RALGPS1: variants seen among roughly 807,000 people sequenced by gnomAD.
The protein encoded by RALGPS1 is Ral GEF with PH domain and SH3 binding motif 1, also known as ras-specific guanine nucleotide-releasing factor RalGPS1.
A neutral mutation model predicts 78.8 loss-of-function variants in RALGPS1; 19 were observed. The observed-to-expected ratio is 0.24, with a 90% confidence interval of 0.17 to 0.35. RALGPS1 has a LOEUF of 0.35. Among genes scored for constraint, RALGPS1 ranks in the 10% least tolerant of loss-of-function variants. The pLI, the probability that RALGPS1 is intolerant of heterozygous loss-of-function variation, is 1.00. For missense variants in RALGPS1, 454 were observed against 688.3 expected (o/e 0.66, Z 3.81); for synonymous variants, 228 against 256.3 (o/e 0.89, Z 1.06).
chr9:127,003,198 C>G (rs1246484829), intron 4 of RALGPS1, among the ~76,000 whole-genome samples: 1 of 152,112 alleles, frequency 6.6e-6, no homozygotes, highest in African/African-American at 2.4e-5. Context: ...CCAAAATTGA[C>G]AAATGGGATC....
In RALGPS1 at chr9:127,211,639, C is replaced by T. The variant is rs1248456200; in HGVS notation, c.1248-492C>T. ...CAAGGGAGAGGGTGAGTGAAGAGCC[C>T]GGGAAAGATGTGGGGAATGGTGCGT... is the stretch of plus-strand genomic sequence containing the variant. On this transcript the variant is annotated intron_variant, in intron 14 of 18. Coordinates refer to ENST00000259351, the MANE Select transcript of RALGPS1 (RefSeq NM_014636.3). This position sits in a 1 kb window ranked among gnomAD's most constrained non-coding sequence, Gnocchi z 5.0. 2.6e-5 allele frequency among the ~76,000 whole-genome samples: 4 copies of T among 152,008 alleles called. No individual in the cohort carries two copies. Among genetic ancestry groups the T allele is most frequent in the Admixed American group, 2.0e-4 (3 of 15,274 alleles).
At chr9:126,959,327 G>A (rs2132036265) in intron 1 of RALGPS1, among the ~76,000 whole-genome samples, 1 of 152,286 alleles carries the variant, frequency 6.6e-6, no homozygotes, top group Non-Finnish European at 1.5e-5. Flanking sequence ...CTCCCAAACT[G>A]CTGGGATTAC....
Position 127,096,443 on chromosome 9 carries a change from C to T in RALGPS1, c.610+27087C>T, listed in dbSNP as rs529174275. On this transcript the variant is annotated intron_variant, in intron 8 of 18. Transcript: ENST00000259351. Reference sequence around the variant, plus strand: ...TGAGAGCGAGCAGCCCAGCCTCTTACTGCACAGCTGCCAGGACTGCTGCAG... The same window carrying T: ...TGAGAGCGAGCAGCCCAGCCTCTTATTGCACAGCTGCCAGGACTGCTGCAG... Among the ~76,000 whole-genome samples, 15 of 152,320 alleles carry T rather than the reference C, an allele frequency of 9.8e-5. No homozygotes were observed. In the South Asian group the frequency reaches 2.1e-3, roughly 21 times the overall value.
chr9:127,040,963 C>T (rs1000642387), intron 5 of RALGPS1, among the ~76,000 whole-genome samples: 1 of 151,158 alleles, frequency 6.6e-6, no homozygotes, highest in Non-Finnish European at 1.5e-5. Context: ...CATTCACTTA[C>T]TGAAGGACAT....
intron 8 of RALGPS1, among the ~76,000 whole-genome samples, chr9:127,151,720 T>G (rs892452814): frequency 6.6e-6 from 1 of 152,220 alleles, no homozygotes; most frequent in African/African-American, 2.4e-5. Flanking sequence ...GGAATAGATT[T>G]CTTTCCTGGA....
intron 10 of RALGPS1, among the ~76,000 whole-genome samples, chr9:127,169,540 A>G (rs189934754): frequency 2.0e-5 from 3 of 152,252 alleles, no homozygotes; most frequent in Admixed American, 6.5e-5. Flanking sequence ...AGACTAACTA[A>G]GAACCTCAGT....
intron 1 of RALGPS1, among the ~76,000 whole-genome samples, chr9:126,956,592 A>G (rs1451500696): frequency 6.6e-6 from 1 of 152,062 alleles, no homozygotes. Context: ...GGTGGGCCAC[A>G]GGGGGAAGAT....
chr9:127,100,460 T>C (rs562368352), intron 8 of RALGPS1, among the ~76,000 whole-genome samples: 1 of 152,322 alleles, frequency 6.6e-6, no homozygotes, highest in East Asian at 1.9e-4. Context: ...CCACCAGCGC[T>C]GTTGGGCAGG....
intron 11 of RALGPS1, among the ~76,000 whole-genome samples, chr9:127,181,189 G>T (rs534082122): frequency 6.6e-6 from 1 of 152,352 alleles, no homozygotes; most frequent in South Asian, 2.1e-4. Flanking sequence ...AGACTTTGTG[G>T]ACAGGTTTTA....
chr9:127,161,455 CG>C (rs1400356431), intron 8 of RALGPS1, among the ~76,000 whole-genome samples: 3 of 152,170 alleles, frequency 2.0e-5, no homozygotes, highest in South Asian at 2.1e-4. Context: ...GCCTGGGTTC[CG>C]AGTCTCCTGG....
At chr9:126,963,248 T>C (rs1460339250) in intron 2 of RALGPS1, among the ~76,000 whole-genome samples, 1 of 152,116 alleles carries the variant, frequency 6.6e-6, no homozygotes, top group Admixed American at 6.6e-5. Flanking sequence ...ATACCCGAAA[T>C]CCCAGGAATG....
intron 8 of RALGPS1, among the ~76,000 whole-genome samples, chr9:127,153,052 GTAGTTTTCT>G (rs1344786840): frequency 2.0e-5 from 3 of 152,174 alleles, no homozygotes; most frequent in Non-Finnish European, 4.4e-5. Context: ...TCAGGTTTTC[GTAGTTTTCT>G]TATCTTTCCT....
At chr9:127,075,223 T>G (rs1193978244) in intron 8 of RALGPS1, among the ~76,000 whole-genome samples, 1 of 152,260 alleles carries the variant, frequency 6.6e-6, no homozygotes, top group Non-Finnish European at 1.5e-5. Flanking sequence ...TGCTGTGGTC[T>G]TATCCCTTCA....
At chr9:127,113,440 T>C (rs2055059522) in intron 8 of RALGPS1, among the ~76,000 whole-genome samples, 1 of 149,730 alleles carries the variant, frequency 6.7e-6, no homozygotes, top group African/African-American at 2.4e-5. Flanking sequence ...CAGTAATAAG[T>C]TTGTTTACTT....
At chr9:126,958,239 C>G (rs2038558730) in intron 1 of RALGPS1, among the ~76,000 whole-genome samples, 3 of 149,380 alleles carry the variant, frequency 2.0e-5, no homozygotes, top group Admixed American at 6.7e-5. Context: ...CATGTAAGTT[C>G]AGATCACCAT....
chr9:127,187,181 G>C (rs1241635306), intron 11 of RALGPS1, among the ~76,000 whole-genome samples: 1 of 152,194 alleles, frequency 6.6e-6, no homozygotes, highest in East Asian at 1.9e-4. Context: ...GTTTACTCAA[G>C]TCTGGCACAC....
intron 4 of RALGPS1, among the ~76,000 whole-genome samples, chr9:127,014,216 G>A (rs1218249984): frequency 6.6e-6 from 1 of 152,244 alleles, no homozygotes; most frequent in Non-Finnish European, 1.5e-5. Flanking sequence ...TTGAAGGCTA[G>A]TGGCTCAAAT....
At chr9:127,012,763 A>T (rs1478380524) in intron 4 of RALGPS1, among the ~76,000 whole-genome samples, 5 of 152,238 alleles carry the variant, frequency 3.3e-5, no homozygotes, top group Non-Finnish European at 5.9e-5. Flanking sequence ...CTTCCAAATG[A>T]TCTTCATGTG....
At chr9:126,959,310 CT>C (rs1332384012) in intron 1 of RALGPS1, among the ~76,000 whole-genome samples, 1 of 152,186 alleles carries the variant, frequency 6.6e-6, no homozygotes, top group Non-Finnish European at 1.5e-5. Context: ...GGTCTGCCCA[CT>C]TTGGCCTCCC....
Sources: allele counts gnomAD v4.1 joint callset (sites outside exome capture counted in the v4.1 genomes callset), GRCh38; gene constraint gnomAD v4.1.1; non-coding constraint Gnocchi (gnomAD v3.1); transcripts MANE v1.5; gene names NCBI Gene and HGNC (gene_info 2026-07-23, HGNC 2026-07-21).